DOCK4: variants seen among roughly 807,000 people sequenced by gnomAD.
DOCK4 encodes dedicator of cytokinesis protein 4.
Under a neutral mutation model 268.1 loss-of-function variants are expected in DOCK4, and 97 were observed. That is an observed-to-expected ratio of 0.36 (90% CI 0.31 to 0.43). The LOEUF is 0.43. DOCK4 is among the 20% of genes least tolerant of loss of function. The pLI, the probability that DOCK4 is intolerant of heterozygous loss-of-function variation, is 1.00. For missense variants in DOCK4, 2,145 were observed against 2,455.7 expected (o/e 0.87, Z 2.67); for synonymous variants, 954 against 887.2 (o/e 1.08, Z -1.34).
chr7:111,943,643 C>CA (rs1179486783), intron 10 of DOCK4, among the ~76,000 whole-genome samples: 2 of 152,124 alleles, frequency 1.3e-5, no homozygotes, highest in Non-Finnish European at 2.9e-5. Context: ...CTAACTATTC[C>CA]AACCTTTTCA....
intron 30 of DOCK4, among the ~76,000 whole-genome samples, chr7:111,797,071 A>G (rs1486308004): frequency 6.6e-6 from 1 of 152,226 alleles, no homozygotes; most frequent in African/African-American, 2.4e-5. Context: ...GTAATAAATT[A>G]TCTTCAGTTT....
At chr7:112,117,985 A>G (rs1812335166) in intron 1 of DOCK4, among the ~76,000 whole-genome samples, 1 of 152,074 alleles carries the variant, frequency 6.6e-6, no homozygotes, top group Non-Finnish European at 1.5e-5. Flanking sequence ...CATAAGAAAG[A>G]ATGGCCTCCT....
At chr7:111,977,350 C>CTAGT (rs1798286903) in intron 7 of DOCK4, 67 bp from the exon 8 acceptor site, 1 of 1,523,264 alleles carries the variant, frequency 6.6e-7, no homozygotes, top group Non-Finnish European at 8.8e-7. Flanking sequence ...ACCCAACAAA[C>CTAGT]TAGTTAGCTA....
chr7:112,186,500 T>C (rs1819505988), intron 1 of DOCK4, among the ~76,000 whole-genome samples: 2 of 152,214 alleles, frequency 1.3e-5, no homozygotes, highest in Non-Finnish European at 2.9e-5. Context: ...GTAGTTGTCA[T>C]GAGCACGGAA....
At chr7:111,964,690 AG>A (rs1431366211) in intron 8 of DOCK4, among the ~76,000 whole-genome samples, 6 of 107,980 alleles carry the variant, frequency 5.6e-5, no homozygotes, top group African/African-American at 1.7e-4. Context: ...GTTCAGATTC[AG>A]GAAATACAGA....
chr7:111,831,662 CT>C (rs1389063978), intron 26 of DOCK4, among the ~76,000 whole-genome samples: 2 of 151,864 alleles, frequency 1.3e-5, no homozygotes, highest in Admixed American at 6.6e-5. Context: ...TTTTTACAAA[CT>C]TTTTATAGCG....
intron 13 of DOCK4, among the ~76,000 whole-genome samples, chr7:111,906,438 A>G (rs1407943884): frequency 6.6e-6 from 1 of 152,174 alleles, no homozygotes; most frequent in East Asian, 1.9e-4. Context: ...AAATGTGATG[A>G]TGTGTTCTTG....
intron 1 of DOCK4, among the ~76,000 whole-genome samples, chr7:112,080,253 T>A (rs1314447353): frequency 6.6e-6 from 1 of 152,158 alleles, no homozygotes; most frequent in African/African-American, 2.4e-5. Context: ...AGTATATATA[T>A]GTCATAAACA....
chr7:112,025,958 T>C (rs1020442076), intron 1 of DOCK4, among the ~76,000 whole-genome samples: 1 of 152,186 alleles, frequency 6.6e-6, no homozygotes, highest in African/African-American at 2.4e-5. Flanking sequence ...ACCTTGGAAC[T>C]CCCATGATAC....
Position 111,782,882 on chromosome 7 carries a change from G to T in DOCK4, c.3567C>A (p.Gly1189=), listed in dbSNP as rs1198696045. Residue 1189 remains glycine (G), a synonymous_variant, in exon 35 of 53, where the codon GGC becomes GGA. Coordinates refer to ENST00000428084, the MANE Select transcript of DOCK4 (RefSeq NM_001363540.2). ...KMGEVDGKKI[G]CTVSLLNFYK... is the part of the protein sequence containing the mutation. ...TACTAACCAGAAGGCTAACTGTGCAGCCAATCTTTTTGCCATCTACCTCTC... is the reference window on the plus strand; with the variant it reads ...TACTAACCAGAAGGCTAACTGTGCATCCAATCTTTTTGCCATCTACCTCTC... The T allele has an allele frequency of 3.7e-6, 6 of 1,613,522 alleles. No individual in the cohort carries two copies. In the Admixed American group the frequency reaches 1.0e-4, roughly 27 times the overall value.
intron 1 of DOCK4, among the ~76,000 whole-genome samples, chr7:112,192,803 A>G (rs1820090848): frequency 6.6e-6 from 1 of 152,144 alleles, no homozygotes; most frequent in African/African-American, 2.4e-5. Flanking sequence ...TATACCATAA[A>G]TAATCATCCA....
chr7:111,849,390 G>T (rs533487739), intron 23 of DOCK4, among the ~76,000 whole-genome samples: 2 of 151,434 alleles, frequency 1.3e-5, no homozygotes, highest in Non-Finnish European at 2.9e-5. Context: ...AACCTCCCCA[G>T]TAGCTGGGAC....
chr7:111,784,310 A>G (rs1799008150), intron 32 of DOCK4, 187 bp from the exon 33 acceptor site: 1 of 741,120 alleles, frequency 1.3e-6, no homozygotes, highest in Middle Eastern at 2.3e-4. Flanking sequence ...CACTGCAAAA[A>G]GCAAAAACAG....
At chr7:112,116,648 A>G (rs1258152222) in intron 1 of DOCK4, among the ~76,000 whole-genome samples, 3 of 152,246 alleles carry the variant, frequency 2.0e-5, no homozygotes, top group African/African-American at 7.2e-5. Flanking sequence ...ATTCATAACC[A>G]AGGCAATGAA....
At chr7:111,854,152 T>G (rs1804814587) in intron 23 of DOCK4, among the ~76,000 whole-genome samples, 1 of 152,108 alleles carries the variant, frequency 6.6e-6, no homozygotes, top group South Asian at 2.1e-4. Context: ...TTATGCCCAA[T>G]TTCTGCCTCC....
At chr7:111,870,323 CTT>C (rs796444724) in intron 20 of DOCK4, among the ~76,000 whole-genome samples, 11 of 131,308 alleles carry the variant, frequency 8.4e-5, no homozygotes, top group Admixed American at 1.5e-4. Flanking sequence ...TTTTTCTTTT[CTT>C]TTTTTTTTTT....
intron 26 of DOCK4, among the ~76,000 whole-genome samples, chr7:111,823,627 A>G (rs974999290): frequency 1.3e-5 from 2 of 152,164 alleles, no homozygotes; most frequent in Non-Finnish European, 1.5e-5. Flanking sequence ...AGCTTTCCCT[A>G]CTCAAAAAGG....
At chr7:112,052,739 C>T (rs1805474731) in intron 1 of DOCK4, among the ~76,000 whole-genome samples, 1 of 152,090 alleles carries the variant, frequency 6.6e-6, no homozygotes, top group South Asian at 2.1e-4. Context: ...ACATCCACTC[C>T]CTCCCACCAT....
intron 8 of DOCK4, among the ~76,000 whole-genome samples, chr7:111,947,638 T>C (rs1369179155): frequency 6.6e-6 from 1 of 152,206 alleles, no homozygotes; most frequent in Non-Finnish European, 1.5e-5. Flanking sequence ...TATCCAATTG[T>C]CATTTACTAT....
Sources: gnomAD v4.1 joint callset for allele counts (sites outside exome capture counted in the v4.1 genomes callset) on GRCh38, gnomAD v4.1.1 for gene constraint, MANE v1.5 for transcripts, NCBI Gene and HGNC (gene_info 2026-07-23, HGNC 2026-07-21) for gene names.